The following PPP2R2B variants were observed in gnomAD, a reference collection of about 807,000 sequenced individuals.
The protein encoded by PPP2R2B is protein phosphatase 2 regulatory subunit Bbeta.
A neutral mutation model predicts 46.0 loss-of-function variants in PPP2R2B; 5 were observed. The observed-to-expected ratio is 0.11, with a 90% CI of 0.06 to 0.23. The LOEUF (loss-of-function observed/expected upper bound fraction) is 0.23. Ranked by LOEUF, PPP2R2B falls within the 10% of genes least tolerant of loss-of-function variation. The pLI, the probability that PPP2R2B is intolerant of heterozygous loss-of-function variation, is 1.00. For synonymous variants in PPP2R2B, 215 were observed against 206.7 expected, an observed-to-expected ratio of 1.04 and a Z score of -0.34; for missense variants, 367 against 575.0, an observed-to-expected ratio of 0.64 and a Z score of 3.70.
At chr5:146,781,731 T>C (rs180727883) in intron 2 of PPP2R2B, among the ~76,000 whole-genome samples, 270 of 152,290 alleles carry the variant, frequency 1.8e-3, no homozygotes, top group African/African-American at 6.3e-3. Context: ...GTTGTCCCAA[T>C]GTGATACTTT....
chr5:146,730,852 T>C (rs540926140), intron 2 of PPP2R2B, among the ~76,000 whole-genome samples: 70 of 152,154 alleles, frequency 4.6e-4, no homozygotes, highest in Non-Finnish European at 9.0e-4. Context: ...ATTAAACTTA[T>C]ATCATTAAAA....
intron 8 of PPP2R2B, among the ~76,000 whole-genome samples, chr5:146,598,688 C>T (rs186443638): frequency 3.9e-5 from 6 of 152,194 alleles, no homozygotes; most frequent in East Asian, 3.9e-4. Flanking sequence ...TGTTATATCC[C>T]GCATCAAATT....
chr5:146,638,345 G>A lies in PPP2R2B; in HGVS notation c.696C>T (p.Pro232=), dbSNP rs34317831. 2 of 1,613,592 alleles carry A rather than the reference G, an allele frequency of 1.2e-6. No homozygotes were observed. The highest frequency in any genetic ancestry group is 3.3e-5 in the Admixed American group (2 of 60,010). The change falls in exon 7 of 10, where the codon CCC becomes CCT. Residue 232 remains proline (P), a synonymous_variant. Coordinates refer to ENST00000394411, the MANE Select transcript of PPP2R2B (RefSeq NM_181675.4). The part of the protein sequence containing the change: ...TEVITAAEFH[P]HHCNTFVYSS... ...TGTACACGAAGGTGTTGCAATGATGGGGGTGGAACTCGGCTGCTGTGATCA... is the reference window on the plus strand; with the variant it reads ...TGTACACGAAGGTGTTGCAATGATGAGGGTGGAACTCGGCTGCTGTGATCA...
intron 3 of PPP2R2B, 60 bp downstream of exon 3, chr5:146,700,985 A>C (rs894325887): frequency 1.4e-6 from 2 of 1,414,566 alleles, no homozygotes; most frequent in African/African-American, 2.8e-5. Context: ...ATTAAGGAAC[A>C]GTAGGAGGCC....
chr5:146,799,490 A>T (rs1422053095), intron 2 of PPP2R2B, among the ~76,000 whole-genome samples: 1 of 152,210 alleles, frequency 6.6e-6, no homozygotes, highest in Non-Finnish European at 1.5e-5. Flanking sequence ...AGGTATCGAC[A>T]GGCTACAGTC....
chr5:146,640,712 G>T (rs1478311995), intron 6 of PPP2R2B, among the ~76,000 whole-genome samples: 1 of 152,220 alleles, frequency 6.6e-6, no homozygotes, highest in Non-Finnish European at 1.5e-5. Flanking sequence ...GGAGGGGGAG[G>T]TGCTACAGCT....
chr5:147,035,932 T>C (rs184788841), intron 1 of PPP2R2B, among the ~76,000 whole-genome samples: 21 of 152,338 alleles, frequency 1.4e-4, no homozygotes, highest in African/African-American at 3.8e-4. Context: ...TTTTTCTCAA[T>C]GGATTTTCTT....
At chr5:147,071,717 C>A (rs909731478) in intron 2 of PPP2R2B, among the ~76,000 whole-genome samples, 1 of 152,082 alleles carries the variant, frequency 6.6e-6, no homozygotes, top group African/African-American at 2.4e-5. Flanking sequence ...TAAAAGAGAA[C>A]ACCATATCCC....
chr5:146,673,519 G>A (rs77053652), intron 5 of PPP2R2B, among the ~76,000 whole-genome samples: 1 of 151,890 alleles, frequency 6.6e-6, no homozygotes, highest in Non-Finnish European at 1.5e-5. Context: ...TAGACATAAA[G>A]TCTAATATTC....
intron 2 of PPP2R2B, among the ~76,000 whole-genome samples, chr5:146,769,297 AG>A (rs1178212338): frequency 6.6e-6 from 1 of 152,136 alleles, no homozygotes; most frequent in African/African-American, 2.4e-5. Context: ...TAGGAATGCA[AG>A]TTCTCAGGCC....
intron 2 of PPP2R2B, among the ~76,000 whole-genome samples, chr5:146,779,781 T>A (rs901277057): frequency 3.3e-5 from 5 of 152,128 alleles, no homozygotes; most frequent in African/African-American, 1.2e-4. Context: ...CTGAAAACAT[T>A]TAAAATAGAC....
In PPP2R2B at chr5:146,587,616, AG is replaced by A. The variant is rs1485912252; in HGVS notation, c.*2330del. On this transcript the variant is annotated 3_prime_UTR_variant, in exon 10 of 10. Coordinates refer to ENST00000394411, the MANE Select transcript of PPP2R2B (RefSeq NM_181675.4). ...AGAACCACCATCTTTGATGCCCCTA[AG>A]GGCATAAATCTTCTGTCATATCAGT... The A allele has an allele frequency of 1.4e-4, 21 of 152,184 alleles. No homozygotes were observed. The highest frequency in any genetic ancestry group is 4.8e-4 in the African/African-American group (20 of 41,444). The allele number at this position is 152,184 out of a possible 1,614,324, so 9.4% of individuals were successfully genotyped here.
Position 146,757,492 on chromosome 5 carries a change from T to C in PPP2R2B, c.71-56350A>G, listed in dbSNP as rs80215914. Among the ~76,000 whole-genome samples, 722 of 151,678 alleles carry C rather than the reference T, an allele frequency of 4.8e-3. 11 individuals carry two copies. The highest frequency in any genetic ancestry group is 0.017 in the African/African-American group (698 of 41,368). On this transcript the variant is annotated intron_variant, in intron 2 of 9. Coordinates refer to ENST00000394411, the MANE Select transcript of PPP2R2B (RefSeq NM_181675.4). ...AACTGCTTTGGAGTTTAAAGGAAAATGGGTGGAAGGCGAGAGATGGAAGCC... is the reference window on the plus strand; with the variant it reads ...AACTGCTTTGGAGTTTAAAGGAAAACGGGTGGAAGGCGAGAGATGGAAGCC...
intron 7 of PPP2R2B, among the ~76,000 whole-genome samples, chr5:146,603,773 A>C (rs1358104637): frequency 1.3e-5 from 2 of 152,200 alleles, no homozygotes; most frequent in African/African-American, 4.8e-5. Context: ...ACAGCCTATG[A>C]AGTAGGAATT....
intron 2 of PPP2R2B, among the ~76,000 whole-genome samples, chr5:146,855,284 T>C (rs1393199750): frequency 6.6e-6 from 1 of 152,178 alleles, no homozygotes. Flanking sequence ...CTACCTCACA[T>C]CACCAACACT....
chr5:146,645,625 G>A lies in PPP2R2B; in HGVS notation c.625+4922C>T, dbSNP rs367609820. 9.2e-5 allele frequency among the ~76,000 whole-genome samples: 14 copies of A among 152,272 alleles called. 1 individual carries two copies. In the South Asian group the frequency reaches 2.9e-3, roughly 32 times the overall value. On this transcript the variant is annotated intron_variant, in intron 6 of 9. Coordinates refer to ENST00000394411, the MANE Select transcript of PPP2R2B (RefSeq NM_181675.4). ...TAGAACCTGGAAGCCAAGAGTTGAG[G>A]CTACCTGGTCCCTTAATTAGGGAAT...
intron 1 of PPP2R2B, among the ~76,000 whole-genome samples, chr5:146,989,602 A>G (rs1308705321): frequency 6.6e-6 from 1 of 152,106 alleles, no homozygotes; most frequent in Non-Finnish European, 1.5e-5. Flanking sequence ...ATACCTCGAT[A>G]CAATAAAGGC....
intron 2 of PPP2R2B, among the ~76,000 whole-genome samples, chr5:146,862,399 G>A (rs1761057763): frequency 6.6e-6 from 1 of 152,226 alleles, no homozygotes; most frequent in Admixed American, 6.5e-5. Context: ...TTGTTGGGGA[G>A]ATGACGTGCA....
Position 146,819,557 on chromosome 5 carries a change from A to G in PPP2R2B, c.70+58445T>C, listed in dbSNP as rs145029657. 5.0e-3 allele frequency among the ~76,000 whole-genome samples: 761 copies of G among 152,340 alleles called. 6 individuals carry two copies. Among genetic ancestry groups the G allele is most frequent in the Non-Finnish European group, 8.5e-3 (578 of 68,036 alleles). On this transcript the variant is annotated intron_variant, in intron 2 of 9. Transcript: ENST00000394411. ...TGAAAAAGGTAATTCCAGAAAATGT[A>G]CTATTTAAAAACTAGCTCCATCTAG...
Sources: allele counts gnomAD v4.1 joint callset (sites outside exome capture counted in the v4.1 genomes callset), GRCh38; gene constraint gnomAD v4.1.1; transcripts MANE v1.5; gene names NCBI Gene and HGNC (gene_info 2026-07-23, HGNC 2026-07-21).